Variants in ACSM2A observed in about 807,000 individuals in gnomAD.
The protein encoded by ACSM2A is acyl-CoA synthetase medium chain family member 2A.
Under a neutral mutation model 76.6 loss-of-function variants are expected in ACSM2A, and 72 were observed. The ratio of observed to expected loss-of-function variants is 0.94; its 90% confidence interval spans 0.78 to 1.14. The LOEUF (loss-of-function observed/expected upper bound fraction) is 1.14. Among genes scored for constraint, ACSM2A ranks in the 50% most tolerant of loss-of-function variants. The pLI is 0.00. For synonymous variants in ACSM2A, 249 were observed against 255.9 expected, an observed-to-expected ratio of 0.97 and a Z score of 0.26; for missense variants, 684 against 708.5, an observed-to-expected ratio of 0.97 and a Z score of 0.39.
chr16:20,462,751 T>C (rs1207211659), intron 2 of ACSM2A, among the ~76,000 whole-genome samples: 1 of 152,068 alleles, frequency 6.6e-6, no homozygotes, highest in Non-Finnish European at 1.5e-5. Context: ...ACAGCTATTA[T>C]GGAAAGCAAT....
At chr16:20,465,127 C>A (rs931976291) in intron 2 of ACSM2A, among the ~76,000 whole-genome samples, 3 of 152,046 alleles carry the variant, frequency 2.0e-5, no homozygotes, top group Admixed American at 1.3e-4. Flanking sequence ...CAATGTTTTT[C>A]TACTAAGACG....
intron 6 of ACSM2A, chr16:20,473,899 G>T: frequency 2.8e-6 from 1 of 351,766 alleles, no homozygotes; most frequent in Non-Finnish European, 5.5e-6. Context: ...CTGCAAATAA[G>T]AACTTGGGTC....
rs745836498 is a variant in ACSM2A, at chr16:20,460,238, G to A, written c.124G>A (p.Ala42Thr). The A allele has an allele frequency of 7.4e-6, 12 of 1,613,548 alleles. No homozygotes were observed. The South Asian group carries it at 9.9e-5, about 13-fold the overall frequency. The change falls in exon 2 of 14, where the codon GCC becomes ACC. Residue 42 changes from alanine (A) to threonine (T), a missense_variant. By Grantham distance (58) the Ala-to-Thr change is moderately conservative. This residue lies in a region of ACSM2A where 519 missense variants were observed against 549.5 expected (regional missense o/e 0.94). Transcript: ENST00000573854. ...GCAGTGGGGCCACCAGGAAGTGCCG[G>A]CCAAGTTTAACTTTGCTAGTGATGT... ...SLQWGHQEVPAKFNFASDVLD... is the reference protein window; with the variant it reads ...SLQWGHQEVPTKFNFASDVLD...
chr16:20,471,078 C>G lies in ACSM2A; in HGVS notation c.602C>G (p.Ala201Gly), dbSNP rs376169319. 7.4e-5 allele frequency: 120 copies of G among 1,613,270 alleles called. No homozygotes were observed. The highest frequency in any genetic ancestry group is 1.3e-4 in the Admixed American group (8 of 59,960). The part of the protein sequence containing the change: ...WLNFKKLLNE[A>G]STTHHCVETG... Reference sequence around the variant, plus strand: ...ACAATCTGTGTCTCTGTCAGTGAGGCATCCACCACTCATCACTGTGTGGAG... The same window carrying G: ...ACAATCTGTGTCTCTGTCAGTGAGGGATCCACCACTCATCACTGTGTGGAG... Residue 201 changes from alanine to glycine, a missense_variant, in exon 5 of 14, where the codon GCA becomes GGA. This residue lies in a region of ACSM2A where 519 missense variants were observed against 549.5 expected (regional missense o/e 0.94). Coordinates refer to ENST00000573854, the MANE Select transcript of ACSM2A (RefSeq NM_001308172.2).
chr16:20,473,546 T>C (rs2013541771), intron 6 of ACSM2A, among the ~76,000 whole-genome samples: 1 of 152,194 alleles, frequency 6.6e-6, no homozygotes, highest in Non-Finnish European at 1.5e-5. Flanking sequence ...AAGGAAATTA[T>C]TGCATGATAC....
chr16:20,457,077 G>T (rs1283210959), intron 1 of ACSM2A, among the ~76,000 whole-genome samples: 1 of 151,914 alleles, frequency 6.6e-6, no homozygotes, highest in Non-Finnish European at 1.5e-5. Context: ...TTCTTGGGAA[G>T]ATACAACCCT....
chr16:20,486,937 G>A lies in ACSM2A; in HGVS notation c.*259G>A. 1 of 347,338 alleles carries A rather than the reference G, an allele frequency of 2.9e-6. No individual in the cohort carries two copies. The highest frequency in any genetic ancestry group is 8.3e-5 in the South Asian group (1 of 12,074). The allele number at this position is 347,338 out of a possible 1,614,324, so 21.5% of individuals were successfully genotyped here. A position where few individuals can be genotyped will look rare whatever the true frequency, so the allele number is the denominator to read the frequency against. ...AGTCAGGGAAATATTAAAACTGCAA[G>A]GGAAAGCAATTGAAAAAGAAATAAA... On this transcript the variant is annotated 3_prime_UTR_variant, in exon 14 of 14. Transcript: ENST00000573854.
Position 20,478,811 on chromosome 16 carries a change from T to A in ACSM2A, c.1281+134T>A, listed in dbSNP as rs1025735696. 2.4e-6 allele frequency: 3 copies of A among 1,239,128 alleles called. No individual in the cohort carries two copies. In the Admixed American group the frequency reaches 8.8e-5, roughly 37 times the overall value. 76.8% of individuals were successfully genotyped at this position (1,239,128 alleles called of 1,614,324 possible). A position where few individuals can be genotyped will look rare whatever the true frequency, so the allele number is the denominator to read the frequency against. On this transcript the variant is annotated intron_variant, in intron 10 of 13. Coordinates refer to ENST00000573854, the MANE Select transcript of ACSM2A (RefSeq NM_001308172.2). ...ACAAAGACTGTCCAGTTTTCAAGAA[T>A]GTATGCTTTGCCAGTGGAAGAAAAG...
At chr16:20,476,046 A>G in intron 8 of ACSM2A, 3 of 1,067,516 alleles carry the variant, frequency 2.8e-6, no homozygotes, top group Non-Finnish European at 3.6e-6. Flanking sequence ...GAGAAATGCG[A>G]TGGAAAAAGT....
intron 7 of ACSM2A, 103 bp downstream of exon 7, chr16:20,475,544 C>T: frequency 1.9e-6 from 3 of 1,602,680 alleles, no homozygotes; most frequent in South Asian, 1.1e-5. Flanking sequence ...CACAGAGAGC[C>T]CCATGAAGCC....
chr16:20,465,442 A>G (rs2012926943), intron 2 of ACSM2A, 75 bp from the exon 3 acceptor site: 2 of 1,555,594 alleles, frequency 1.3e-6, no homozygotes, highest in East Asian at 2.3e-5. Flanking sequence ...CAACTTGGCA[A>G]TCCCAAGACT....
At chr16:20,453,607 A>G (rs1396672186) in intron 1 of ACSM2A, 1 of 125,934 alleles carries the variant, frequency 7.9e-6, no homozygotes, top group Non-Finnish European at 1.6e-5. Context: ...AGTGATTTTC[A>G]GGGAACAATG....
chr16:20,480,785 G>T, intron 11 of ACSM2A, 37 bp from the exon 12 acceptor site: 1 of 1,613,780 alleles, frequency 6.2e-7, no homozygotes, highest in Non-Finnish European at 8.5e-7. Context: ...TAGAGGTTCG[G>T]TGTCCAGTGT....
intron 7 of ACSM2A, 86 bp from the exon 8 acceptor site, chr16:20,475,564 A>T: frequency 6.2e-7 from 1 of 1,606,056 alleles, no homozygotes; most frequent in Non-Finnish European, 8.5e-7. Context: ...CATTTGCATC[A>T]TCAAAGCACC....
rs1193419025 is a variant in ACSM2A at position 20,475,393 on chromosome 16, T to G, written c.926T>G (p.Met309Arg). 5 of 1,613,714 alleles carry G rather than the reference T, an allele frequency of 3.1e-6. No homozygotes were observed. Among genetic ancestry groups the G allele is most frequent in the African/African-American group, 1.3e-5 (1 of 74,894 alleles). Residue 309 changes from methionine (M) to arginine (R), a missense_variant, in exon 7 of 14, where the codon ATG (methionine) becomes AGG (arginine). This residue lies in a region of ACSM2A where 519 missense variants were observed against 549.5 expected (regional missense o/e 0.94). Transcript: ENST00000573854. Reference protein sequence around the residue: ...TLSSYPIKSMMGAPIVYRMLL... With the variant: ...TLSSYPIKSMRGAPIVYRMLL... ...TCCAGTTATCCAATCAAGAGTATGATGGGTGCCCCCATTGTTTACCGGATG... is the reference window on the plus strand; with the variant it reads ...TCCAGTTATCCAATCAAGAGTATGAGGGGTGCCCCCATTGTTTACCGGATG...
chr16:20,455,334 G>A (rs2012077373), intron 1 of ACSM2A, among the ~76,000 whole-genome samples: 1 of 151,232 alleles, frequency 6.6e-6, no homozygotes, highest in Non-Finnish European at 1.5e-5. Context: ...CATTGCCTAG[G>A]CACATTGTCA....
At chr16:20,478,137 A>T (rs1390817744) in intron 9 of ACSM2A, among the ~76,000 whole-genome samples, 1 of 152,222 alleles carries the variant, frequency 6.6e-6, no homozygotes, top group African/African-American at 2.4e-5. Context: ...TTTCATTCCT[A>T]TAAAAATCCT....
At chr16:20,480,457 T>C (rs2014017835) in intron 10 of ACSM2A, 116 bp from the exon 11 acceptor site, 2 of 1,498,914 alleles carry the variant, frequency 1.3e-6, no homozygotes, top group Non-Finnish European at 1.8e-6. Context: ...CATGTTCAGG[T>C]TATACACTGC....
intron 13 of ACSM2A, among the ~76,000 whole-genome samples, 196 bp from the exon 14 acceptor site, chr16:20,486,378 G>T (rs1479333310): frequency 5.3e-5 from 8 of 152,234 alleles, no homozygotes; most frequent in African/African-American, 1.7e-4. Flanking sequence ...ATATGTCAAA[G>T]ACCTTTATGC....
Sources: gnomAD v4.1 joint callset for allele counts (sites outside exome capture counted in the v4.1 genomes callset) on GRCh38, gnomAD v4.1.1 for gene constraint, gnomAD v4.1.1 regional missense constraint, MANE v1.5 for transcripts, NCBI Gene and HGNC (gene_info 2026-07-23, HGNC 2026-07-21) for gene names.